FARS2: variants seen among roughly 807,000 people sequenced by gnomAD.
The protein encoded by FARS2 is phenylalanyl-tRNA synthetase 2, mitochondrial.
FARS2 carries 40 observed loss-of-function variants against 46.4 expected under a neutral mutation model. That is an observed-to-expected ratio of 0.86 (90% CI 0.67 to 1.12). The LOEUF (loss-of-function observed/expected upper bound fraction) is 1.12. Ranked by LOEUF, FARS2 falls within the 50% of genes most tolerant of loss-of-function variation. The probability of loss-of-function intolerance (pLI) is 0.00; values close to 1 mark genes in which losing one functional copy is unlikely to be tolerated. For synonymous variants in FARS2, 234 were observed against 214.9 expected, an observed-to-expected ratio of 1.09 and a Z score of -0.78; for missense variants, 513 against 567.9, an observed-to-expected ratio of 0.90 and a Z score of 0.98.
chr6:5,326,273 A>G (rs370095179), intron 1 of FARS2, among the ~76,000 whole-genome samples: 7 of 152,328 alleles, frequency 4.6e-5, no homozygotes, highest in African/African-American at 1.7e-4. Flanking sequence ...ATAGCCCCAG[A>G]GCAAGCTCAA....
intron 6 of FARS2, among the ~76,000 whole-genome samples, chr6:5,717,656 T>C (rs1582822845): frequency 6.6e-6 from 1 of 152,108 alleles, no homozygotes; most frequent in East Asian, 1.9e-4. Flanking sequence ...ATATCTCTCC[T>C]TTCATGCTAT....
intron 1 of FARS2, among the ~76,000 whole-genome samples, chr6:5,341,202 T>G (rs1561969583): frequency 2.4e-3 from 13 of 5,504 alleles, no homozygotes; most frequent in Admixed American, 0.015. Flanking sequence ...TATATATATA[T>G]ATATATATAT....
At chr6:5,707,607 A>G (rs1175857501) in intron 6 of FARS2, among the ~76,000 whole-genome samples, 3 of 152,204 alleles carry the variant, frequency 2.0e-5, no homozygotes, top group Non-Finnish European at 2.9e-5. Flanking sequence ...CACATTTTCC[A>G]ACACTAGTAT....
At chr6:5,257,347 C>A (rs1436407134), upstream of FARS2, among the ~76,000 whole-genome samples, 1 of 152,176 alleles carries the variant, frequency 6.6e-6, no homozygotes, top group East Asian at 1.9e-4. Context: ...TCCAACATCA[C>A]CCCTTGGGAG....
intron 4 of FARS2, among the ~76,000 whole-genome samples, chr6:5,457,540 T>C (rs1471016270): frequency 1.3e-5 from 2 of 152,236 alleles, no homozygotes; most frequent in Admixed American, 6.5e-5. Context: ...TTTTACCTTT[T>C]GACATGGTTA....
intron 1 of FARS2, among the ~76,000 whole-genome samples, chr6:5,306,293 A>G (rs932335137): frequency 1.3e-5 from 2 of 152,232 alleles, no homozygotes; most frequent in Admixed American, 6.5e-5. Context: ...TAGTGAGGGA[A>G]GTATTCACAG....
At chr6:5,558,207 T>A (rs1351655011) in intron 5 of FARS2, among the ~76,000 whole-genome samples, 1 of 152,200 alleles carries the variant, frequency 6.6e-6, no homozygotes, top group Non-Finnish European at 1.5e-5. Context: ...ATTTCTTCAC[T>A]ACTTCAATCA....
intron 1 of FARS2, among the ~76,000 whole-genome samples, chr6:5,271,184 A>G (rs138000673): frequency 1.3e-5 from 2 of 152,246 alleles, no homozygotes; most frequent in Admixed American, 1.3e-4. Flanking sequence ...TGTCTTCTCT[A>G]ACGTAAATTT....
intron 6 of FARS2, among the ~76,000 whole-genome samples, chr6:5,713,073 C>G (rs1249188790): frequency 6.6e-6 from 1 of 152,220 alleles, no homozygotes. Flanking sequence ...TGTGCAGTCA[C>G]AAACCTTTAA....
chr6:5,317,650 C>T (rs981785867), intron 1 of FARS2, among the ~76,000 whole-genome samples: 1 of 151,796 alleles, frequency 6.6e-6, no homozygotes, highest in African/African-American at 2.4e-5. Flanking sequence ...CATGGTGATG[C>T]GGGCCTGAAG....
chr6:5,404,596 C>T lies in FARS2; in HGVS notation c.667C>T (p.Arg223Cys), dbSNP rs202060864. Residue 223 changes from arginine to cysteine, a missense_variant, in exon 3 of 7, where the codon CGC becomes TGC. Transcript: ENST00000274680. ...CCTGCAGCTCTTTGAACAAAGTTCT[C>T]GCTCTGCGCATAAACAAGAGACACA... ...ESLQLFEQSS[R>C]SAHKQETHTM... The T allele has an allele frequency of 1.6e-4, 251 of 1,610,822 alleles. No individual in the cohort carries two copies. The highest frequency in any genetic ancestry group is 8.6e-5 in the Non-Finnish European group (101 of 1,178,214).
chr6:5,578,834 CAA>C (rs111917443), intron 5 of FARS2, among the ~76,000 whole-genome samples: 2 of 140,582 alleles, frequency 1.4e-5, no homozygotes, highest in Non-Finnish European at 1.5e-5. Context: ...AAAAAAAAAA[CAA>C]AAAAAAAAGA....
chr6:5,669,763 G>A (rs555465823), intron 6 of FARS2, among the ~76,000 whole-genome samples: 3 of 152,188 alleles, frequency 2.0e-5, no homozygotes, highest in South Asian at 4.2e-4. Flanking sequence ...AGTGGCTGCC[G>A]GCACCACCTT....
chr6:5,307,054 T>C (rs1372129280), intron 1 of FARS2, among the ~76,000 whole-genome samples: 1 of 152,252 alleles, frequency 6.6e-6, no homozygotes, highest in Non-Finnish European at 1.5e-5. Flanking sequence ...ATAATTTTTA[T>C]GTAGTTGTAA....
At chr6:5,491,411 C>G (rs116406801) in intron 4 of FARS2, among the ~76,000 whole-genome samples, 6,738 of 152,244 alleles carry the variant, frequency 0.044, 202 homozygotes, top group South Asian at 0.11. Context: ...CGGTAACTTT[C>G]TAGCAGCATT....
At chr6:5,315,611 C>G (rs549017295) in intron 1 of FARS2, among the ~76,000 whole-genome samples, 1 of 152,280 alleles carries the variant, frequency 6.6e-6, no homozygotes, top group African/African-American at 2.4e-5. Context: ...AATCCATCTA[C>G]AATCTGAAAA....
chr6:5,474,780 C>T (rs1258788810), intron 4 of FARS2, among the ~76,000 whole-genome samples: 1 of 151,618 alleles, frequency 6.6e-6, no homozygotes, highest in Non-Finnish European at 1.5e-5. Context: ...CTACCTCAGC[C>T]TCCTGGGTAG....
At chr6:5,250,767 A>T in the FARS2 span, among the ~76,000 whole-genome samples, 6 of 152,230 alleles carry the variant, frequency 3.9e-5, no homozygotes, top group Admixed American at 3.9e-4. Context: ...TTTACAAAGC[A>T]GTCTTTTTCT....
chr6:5,426,486 A>G (rs1432963389), intron 3 of FARS2, among the ~76,000 whole-genome samples: 3 of 152,246 alleles, frequency 2.0e-5, no homozygotes, highest in Admixed American at 1.3e-4. Context: ...TAGATATAAT[A>G]ATACCTACAG....
Sources: allele counts gnomAD v4.1 joint callset (sites outside exome capture counted in the v4.1 genomes callset), GRCh38; gene constraint gnomAD v4.1.1; transcripts MANE v1.5; gene names NCBI Gene and HGNC (gene_info 2026-07-23, HGNC 2026-07-21).